RBM33: variants seen among roughly 807,000 people sequenced by gnomAD.
RBM33 encodes RNA binding motif protein 33.
A neutral mutation model predicts 132.6 loss-of-function variants in RBM33; 28 were observed. The ratio of observed to expected loss-of-function variants is 0.21; its 90% CI spans 0.16 to 0.29. RBM33 has a LOEUF of 0.29. Among genes scored for constraint, RBM33 ranks in the 10% least tolerant of loss-of-function variants. The pLI is 1.00. For missense variants in RBM33, 1,291 were observed against 1,518.5 expected (o/e 0.85, Z 2.49); for synonymous variants, 634 against 593.0 (o/e 1.07, Z -1.01).
At chr7:155,682,433 A>C (rs906278870) in intron 5 of RBM33, among the ~76,000 whole-genome samples, 5 of 152,244 alleles carry the variant, frequency 3.3e-5, no homozygotes, top group Non-Finnish European at 5.9e-5. Context: ...GTATGCTCTT[A>C]AAGTTAGACA....
chr7:155,720,923 T>C (rs948217791), intron 9 of RBM33, among the ~76,000 whole-genome samples: 26 of 152,216 alleles, frequency 1.7e-4, no homozygotes, highest in Non-Finnish European at 3.5e-4. Flanking sequence ...TGATGGAACA[T>C]TGAACTTCAA....
intron 9 of RBM33, among the ~76,000 whole-genome samples, chr7:155,731,533 C>T (rs551269270): frequency 3.6e-4 from 55 of 152,218 alleles, no homozygotes; most frequent in Middle Eastern, 3.4e-3. Context: ...AAGACGTTGA[C>T]CAAGTGACTA....
intron 5 of RBM33, among the ~76,000 whole-genome samples, chr7:155,697,872 C>T (rs1336952586): frequency 6.6e-6 from 1 of 152,102 alleles, no homozygotes. Flanking sequence ...ATAAATCTTT[C>T]AGGTTTTCAC....
intron 5 of RBM33, chr7:155,684,850 T>G: frequency 7.0e-7 from 1 of 1,422,638 alleles, no homozygotes; most frequent in Non-Finnish European, 9.4e-7. Flanking sequence ...TTATTAAGCA[T>G]GAATCATAAA....
Position 155,745,616 on chromosome 7 carries a change from T to C in RBM33, c.2979+14T>C. On this transcript the variant is annotated intron_variant, in intron 14 of 17. Coordinates refer to ENST00000401878, the MANE Select transcript of RBM33 (RefSeq NM_053043.3). The surrounding 1 kb of genome is among the most constrained non-coding windows in gnomAD (Gnocchi z 4.1). Reference sequence around the variant, plus strand: ...CTGTCAGGTGGGGTAAGTTGACAAGTTTTATGAGAGCCTCTTTGAGTCTGT... The same window carrying C: ...CTGTCAGGTGGGGTAAGTTGACAAGCTTTATGAGAGCCTCTTTGAGTCTGT... 3 of 1,552,116 alleles carry C rather than the reference T, an allele frequency of 1.9e-6. No homozygotes were observed. The highest frequency in any genetic ancestry group is 2.6e-6 in the Non-Finnish European group (3 of 1,149,372).
chr7:155,764,238 G>A (rs1469929833), intron 15 of RBM33, among the ~76,000 whole-genome samples: 1 of 152,122 alleles, frequency 6.6e-6, no homozygotes, highest in Non-Finnish European at 1.5e-5. Flanking sequence ...AAGAGCACCC[G>A]CAGCCAGCCA....
chr7:155,657,024 G>C (rs1317899066), intron 1 of RBM33, among the ~76,000 whole-genome samples: 1 of 151,678 alleles, frequency 6.6e-6, no homozygotes, highest in Non-Finnish European at 1.5e-5. Context: ...ATATTATGTG[G>C]TCAAGAAATA....
chr7:155,655,339 CTTTTT>C (rs113878171), intron 1 of RBM33, among the ~76,000 whole-genome samples: 1 of 151,708 alleles, frequency 6.6e-6, no homozygotes, highest in Non-Finnish European at 1.5e-5. Context: ...TCTGCTCTGG[CTTTTT>C]TTTGTTGGGC....
At chr7:155,701,686 AT>A (rs1799967983) in intron 6 of RBM33, among the ~76,000 whole-genome samples, 1 of 151,712 alleles carries the variant, frequency 6.6e-6, no homozygotes, top group Non-Finnish European at 1.5e-5. Context: ...AAAAAGTTGT[AT>A]TTTTTTTGTT....
intron 14 of RBM33, among the ~76,000 whole-genome samples, chr7:155,762,380 A>G (rs1206840921): frequency 1.3e-5 from 2 of 152,206 alleles, no homozygotes; most frequent in Non-Finnish European, 2.9e-5. Flanking sequence ...TGGAGCTGCC[A>G]CACACTGCAC....
At position 155,691,226 on chromosome 7, in the gene RBM33, A is replaced by G. The variant is rs540393976; in HGVS notation, c.568-9547A>G. ...GCTTCATTTCATTCATTTGATCTCCAGTCACTGATACCCTTTCTTCCAGTT... is the reference window on the plus strand; with the variant it reads ...GCTTCATTTCATTCATTTGATCTCCGGTCACTGATACCCTTTCTTCCAGTT... On this transcript the variant is annotated intron_variant, in intron 5 of 17. Coordinates refer to ENST00000401878, the MANE Select transcript of RBM33 (RefSeq NM_053043.3). 1.1e-4 allele frequency among the ~76,000 whole-genome samples: 17 copies of G among 152,220 alleles called. No individual in the cohort carries two copies. In the South Asian group the frequency reaches 3.5e-3, roughly 32 times the overall value.
chr7:155,650,897 C>T (rs1017480171), intron 1 of RBM33, among the ~76,000 whole-genome samples: 4 of 152,042 alleles, frequency 2.6e-5, no homozygotes, highest in South Asian at 2.1e-4. Flanking sequence ...TGTTTTGAGA[C>T]GGACTCTCGC....
intron 1 of RBM33, among the ~76,000 whole-genome samples, chr7:155,655,733 G>C (rs1474038604): frequency 1.3e-5 from 2 of 151,786 alleles, no homozygotes; most frequent in African/African-American, 4.8e-5. Context: ...CTTCTGTTTC[G>C]TACTGAAGTA....
chr7:155,755,517 C>T (rs1322513520), intron 14 of RBM33, among the ~76,000 whole-genome samples: 2 of 152,170 alleles, frequency 1.3e-5, no homozygotes, highest in Admixed American at 6.5e-5. Flanking sequence ...TACAAGTTAG[C>T]AGGGCCACAA....
At chr7:155,692,206 A>G (rs1799663999) in intron 5 of RBM33, among the ~76,000 whole-genome samples, 1 of 152,186 alleles carries the variant, frequency 6.6e-6, no homozygotes, top group Admixed American at 6.5e-5. Flanking sequence ...TTCAGTAAAA[A>G]TTAAAAGAAA....
Position 155,707,081 on chromosome 7 carries a change from T to A in RBM33, c.948+13T>A. 1 of 1,530,134 alleles carries A rather than the reference T, an allele frequency of 6.5e-7. No homozygotes were observed. The highest frequency in any genetic ancestry group is 8.8e-7 in the Non-Finnish European group (1 of 1,136,014). The allele number at this position is 1,530,134 out of a possible 1,614,324, so 94.8% of individuals were successfully genotyped here. On this transcript the variant is annotated intron_variant, in intron 7 of 17. Coordinates refer to ENST00000401878, the MANE Select transcript of RBM33 (RefSeq NM_053043.3). ...GCCTCCTGTCGTGGTAACTTCAGATTTTCTTGTAGTAGCCCTAGAACTTCA... is the reference window on the plus strand; with the variant it reads ...GCCTCCTGTCGTGGTAACTTCAGATATTCTTGTAGTAGCCCTAGAACTTCA...
At chr7:155,695,220 G>A (rs1799758451) in intron 5 of RBM33, among the ~76,000 whole-genome samples, 1 of 151,860 alleles carries the variant, frequency 6.6e-6, no homozygotes, top group South Asian at 2.1e-4. Flanking sequence ...AAAGTGGGTT[G>A]TCTTTTTATT....
At chr7:155,678,567 T>C in intron 3 of RBM33, 41 bp from the exon 4 acceptor site, 1 of 1,233,320 alleles carries the variant, frequency 8.1e-7, no homozygotes, top group Non-Finnish European at 1.2e-6. Context: ...AGTCTTTTTA[T>C]GGAAGTGACA....
intron 13 of RBM33, 135 bp from the exon 14 acceptor site, chr7:155,744,826 A>T: frequency 1.1e-6 from 1 of 885,988 alleles, no homozygotes. Flanking sequence ...TAAAGTCTTC[A>T]AACAGATTTT....
Sources: allele counts gnomAD v4.1 joint callset (sites outside exome capture counted in the v4.1 genomes callset), GRCh38; gene constraint gnomAD v4.1.1; non-coding constraint Gnocchi (gnomAD v3.1); transcripts MANE v1.5; gene names NCBI Gene and HGNC (gene_info 2026-07-23, HGNC 2026-07-21).